The following SCUBE1 variants were observed in gnomAD, a reference collection of about 807,000 sequenced individuals.
The protein encoded by SCUBE1 is signal peptide, CUB and EGF-like domain-containing protein 1.
In SCUBE1, 59 loss-of-function variants were observed where a neutral mutation model predicts 124.4. The ratio of observed to expected loss-of-function variants is 0.47; its 90% confidence interval spans 0.38 to 0.59. The LOEUF is 0.59. Ranked by LOEUF, SCUBE1 falls within the 20% of genes least tolerant of loss-of-function variation. The pLI is 0.00. For missense variants in SCUBE1, 1,150 were observed against 1,371.2 expected, an observed-to-expected ratio of 0.84 and a Z score of 2.55; for synonymous variants, 545 against 550.9, an observed-to-expected ratio of 0.99 and a Z score of 0.15.
chr22:43,231,895 T>C lies in SCUBE1; in HGVS notation c.845-20A>G, dbSNP rs1922568223. Reference sequence around the variant, plus strand: ...TGATGTCTGTGGGAGCCAAGGGGGATGGAGGAGTGAGAGCCAGGAGAATCA... The same window carrying C: ...TGATGTCTGTGGGAGCCAAGGGGGACGGAGGAGTGAGAGCCAGGAGAATCA... On this transcript the variant is annotated intron_variant, in intron 7 of 21. Coordinates refer to ENST00000360835, the MANE Select transcript of SCUBE1 (RefSeq NM_173050.5). 1 of 1,609,908 alleles carries C rather than the reference T, an allele frequency of 6.2e-7. No individual in the cohort carries two copies. Among genetic ancestry groups the C allele is most frequent in the Non-Finnish European group, 8.5e-7 (1 of 1,176,950 alleles).
chr22:43,343,109 G>T, intron 1 of SCUBE1, 65 bp downstream of exon 1: 2 of 816,074 alleles, frequency 2.5e-6, no homozygotes, highest in African/African-American at 1.8e-5. Flanking sequence ...GAAGCCCTCC[G>T]GGACCGCGCC....
chr22:43,343,117 G>A, intron 1 of SCUBE1, 57 bp downstream of exon 1: 5 of 895,672 alleles, frequency 5.6e-6, no homozygotes, highest in Non-Finnish European at 5.6e-6. Flanking sequence ...CCGGGACCGC[G>A]CCTCGGCCGC....
At chr22:43,321,188 T>C (rs1926540635) in intron 2 of SCUBE1, among the ~76,000 whole-genome samples, 1 of 152,150 alleles carries the variant, frequency 6.6e-6, no homozygotes, top group Non-Finnish European at 1.5e-5. Flanking sequence ...CACTCCCCTA[T>C]AGTGTAGAAG....
intron 2 of SCUBE1, among the ~76,000 whole-genome samples, chr22:43,332,586 C>A (rs1601898433): frequency 6.6e-6 from 1 of 152,172 alleles, no homozygotes; most frequent in Non-Finnish European, 1.5e-5. Context: ...AGGCCCTGCT[C>A]CCTCTCAGCT....
At chr22:43,332,763 C>T (rs1223561824) in intron 2 of SCUBE1, among the ~76,000 whole-genome samples, 10 of 152,212 alleles carry the variant, frequency 6.6e-5, no homozygotes, top group Admixed American at 6.5e-4. Context: ...CTTCCTGGGT[C>T]CTCCCAGCAT....
Position 43,227,433 on chromosome 22 carries a change from C to T in SCUBE1, c.1148G>A (p.Ser383Asn). 1.9e-6 allele frequency: 3 copies of T among 1,613,270 alleles called. No homozygotes were observed. The highest frequency in any genetic ancestry group is 1.7e-4 in the Middle Eastern group (1 of 6,060). The change falls in exon 10 of 22, where the codon AGC (serine) becomes AAC (asparagine). Residue 383 changes from serine to asparagine, a missense_variant. Physicochemically the swap from Ser to Asn is conservative, Grantham distance 46. Transcript: ENST00000360835. ...CDQGCVNTKG[S>N]YECVCPPGRR... Reference sequence around the variant, plus strand: ...CCCCGGGGGACAGACGCACTCGTAGCTGCCCTTGGTGTTGACGCAGCCCTG... The same window carrying T: ...CCCCGGGGGACAGACGCACTCGTAGTTGCCCTTGGTGTTGACGCAGCCCTG...
chr22:43,341,537 G>A (rs547270055), intron 1 of SCUBE1, among the ~76,000 whole-genome samples: 102 of 152,366 alleles, frequency 6.7e-4, no homozygotes, highest in African/African-American at 2.4e-3. Flanking sequence ...ACCTAGGCAG[G>A]TGTCTTCACT....
intron 2 of SCUBE1, among the ~76,000 whole-genome samples, chr22:43,338,423 G>A (rs749534044): frequency 8.5e-5 from 13 of 152,188 alleles, no homozygotes; most frequent in Non-Finnish European, 1.6e-4. Flanking sequence ...GGGACTCTGG[G>A]GGTCGGGGGG....
intron 4 of SCUBE1, among the ~76,000 whole-genome samples, chr22:43,276,437 C>T (rs981292950): frequency 2.0e-5 from 3 of 152,182 alleles, no homozygotes; most frequent in Admixed American, 6.5e-5. Flanking sequence ...TGGCCTCAGG[C>T]GGGTGACGAG....
At chr22:43,284,664 A>G (rs1038825926) in intron 4 of SCUBE1, among the ~76,000 whole-genome samples, 8 of 152,254 alleles carry the variant, frequency 5.3e-5, no homozygotes, top group African/African-American at 1.9e-4. Flanking sequence ...GGGGCACTGT[A>G]AGGACGCAAT....
chr22:43,269,429 C>G (rs371679336), intron 4 of SCUBE1, among the ~76,000 whole-genome samples: 33 of 152,316 alleles, frequency 2.2e-4, no homozygotes, highest in East Asian at 1.4e-3. Flanking sequence ...TGCGGCCCAG[C>G]GTGTTTGTAC....
intron 2 of SCUBE1, among the ~76,000 whole-genome samples, chr22:43,335,651 G>C (rs1352783934): frequency 6.6e-6 from 1 of 152,110 alleles, no homozygotes; most frequent in Admixed American, 6.5e-5. Context: ...TCACCTCCCA[G>C]GTATGCAGAA....
At chr22:43,284,802 C>T (rs1038689655) in intron 4 of SCUBE1, among the ~76,000 whole-genome samples, 1 of 152,022 alleles carries the variant, frequency 6.6e-6, no homozygotes. Flanking sequence ...TCACATTACA[C>T]ACAAAGGGAC....
intron 4 of SCUBE1, among the ~76,000 whole-genome samples, chr22:43,265,741 T>G (rs1017791303): frequency 6.6e-6 from 1 of 152,240 alleles, no homozygotes; most frequent in Non-Finnish European, 1.5e-5. Context: ...CTATCGAGAC[T>G]GGCTAGATAC....
chr22:43,276,852 C>T (rs528535981), intron 4 of SCUBE1, among the ~76,000 whole-genome samples: 3 of 152,318 alleles, frequency 2.0e-5, no homozygotes, highest in East Asian at 1.9e-4. Flanking sequence ...CTAGAACAGG[C>T]GTGCAGGCCA....
intron 8 of SCUBE1, among the ~76,000 whole-genome samples, chr22:43,230,390 C>G (rs1303600299): frequency 6.6e-6 from 1 of 150,866 alleles, no homozygotes; most frequent in Admixed American, 6.6e-5. Flanking sequence ...CCTGCTGGAC[C>G]TGTGGAGCCC....
At chr22:43,291,304 G>GAT in intron 3 of SCUBE1, 124 bp from the exon 4 acceptor site, 1 of 1,056,512 alleles carries the variant, frequency 9.5e-7, no homozygotes, top group South Asian at 1.5e-5. Context: ...GGACTCCAGA[G>GAT]AGGGCCTCCC....
At chr22:43,276,719 G>C (rs563556844) in intron 4 of SCUBE1, among the ~76,000 whole-genome samples, 2 of 152,190 alleles carry the variant, frequency 1.3e-5, no homozygotes, top group South Asian at 2.1e-4. Context: ...TGTGGGCTAC[G>C]GTGTAGGGGG....
intron 2 of SCUBE1, among the ~76,000 whole-genome samples, chr22:43,328,472 C>T (rs1926799746): frequency 6.6e-6 from 1 of 152,184 alleles, no homozygotes; most frequent in African/African-American, 2.4e-5. Flanking sequence ...GGCCCAGCCA[C>T]CTCCAAGCTC....
Sources: gnomAD v4.1 joint callset for allele counts (sites outside exome capture counted in the v4.1 genomes callset) on GRCh38, gnomAD v4.1.1 for gene constraint, MANE v1.5 for transcripts, NCBI Gene and HGNC (gene_info 2026-07-23, HGNC 2026-07-21) for gene names.